The following ENPP1 variants were observed in gnomAD, a reference collection of about 807,000 sequenced individuals.
ENPP1 encodes the protein ectonucleotide pyrophosphatase/phosphodiesterase family member 1.
Under a neutral mutation model 122.8 loss-of-function variants are expected in ENPP1, and 73 were observed. The ratio of observed to expected loss-of-function variants is 0.59; its 90% CI spans 0.49 to 0.72. ENPP1 has a LOEUF of 0.72. ENPP1 is among the 30% of genes least tolerant of loss of function. The probability of loss-of-function intolerance (pLI) is 0.00; values close to 1 mark genes in which losing one functional copy is unlikely to be tolerated. For synonymous variants in ENPP1, 367 were observed against 391.6 expected, an observed-to-expected ratio of 0.94 and a Z score of 0.74; for missense variants, 978 against 1,128.1, an observed-to-expected ratio of 0.87 and a Z score of 1.91.
At chr6:131,836,606 G>A (rs972689473) in intron 1 of ENPP1, among the ~76,000 whole-genome samples, 3 of 151,938 alleles carry the variant, frequency 2.0e-5, no homozygotes, top group Non-Finnish European at 4.4e-5. Context: ...TTTTTTAAAT[G>A]CACGAGATTC....
At chr6:131,809,140 GA>G (rs1411134731) in intron 1 of ENPP1, among the ~76,000 whole-genome samples, 1 of 152,106 alleles carries the variant, frequency 6.6e-6, no homozygotes, top group Admixed American at 6.5e-5. Flanking sequence ...GGATTATTGT[GA>G]AAATCAAGCT....
At chr6:131,881,784 T>C (rs565092045) in intron 20 of ENPP1, among the ~76,000 whole-genome samples, 3 of 151,990 alleles carry the variant, frequency 2.0e-5, no homozygotes, top group African/African-American at 7.2e-5. Context: ...TTGAGGGGGC[T>C]GCAGCGGATG....
intron 24 of ENPP1, among the ~76,000 whole-genome samples, 174 bp from the exon 25 acceptor site, chr6:131,890,167 A>G (rs1782447646): frequency 1.3e-5 from 2 of 152,184 alleles, no homozygotes; most frequent in South Asian, 4.1e-4. Context: ...CATGCATGGT[A>G]TGTATTAGAA....
chr6:131,821,438 T>G (rs1781483623), intron 1 of ENPP1, among the ~76,000 whole-genome samples: 1 of 152,244 alleles, frequency 6.6e-6, no homozygotes, highest in South Asian at 2.1e-4. Context: ...TACCGCTGGT[T>G]GCATTTGGCC....
At chr6:131,859,520 G>A (rs190594957) in intron 7 of ENPP1, among the ~76,000 whole-genome samples, 1 of 151,722 alleles carries the variant, frequency 6.6e-6, no homozygotes, top group African/African-American at 2.4e-5. Flanking sequence ...CAAGTAGCTG[G>A]GACTACAGGT....
intron 1 of ENPP1, among the ~76,000 whole-genome samples, chr6:131,837,522 A>G (rs1274362809): frequency 1.6e-5 from 1 of 61,414 alleles, no homozygotes; most frequent in African/African-American, 1.3e-4. Flanking sequence ...CTCTGTCTCA[A>G]AAAAAAAAAA....
At chr6:131,819,551 A>G (rs1781457984) in intron 1 of ENPP1, among the ~76,000 whole-genome samples, 1 of 152,246 alleles carries the variant, frequency 6.6e-6, no homozygotes, top group Non-Finnish European at 1.5e-5. Flanking sequence ...TTGAAACTAT[A>G]TTAATACTTT....
chr6:131,854,493 G>C (rs1463640744), intron 5 of ENPP1, among the ~76,000 whole-genome samples: 2 of 152,072 alleles, frequency 1.3e-5, no homozygotes, highest in Non-Finnish European at 2.9e-5. Context: ...TACTGTATTA[G>C]AGTCCATATC....
intron 6 of ENPP1, 115 bp from the exon 7 acceptor site, chr6:131,858,553 T>G (rs1002252727): frequency 3.1e-5 from 21 of 686,818 alleles, no homozygotes; most frequent in Non-Finnish European, 5.2e-5. Context: ...CTGATTAAAA[T>G]CCCTCCTGGG....
intron 4 of ENPP1, 121 bp from the exon 5 acceptor site, chr6:131,852,054 G>A: frequency 1.4e-6 from 1 of 697,654 alleles, no homozygotes; most frequent in South Asian, 1.5e-5. Flanking sequence ...GTCATGTCCT[G>A]TGTTATCTAT....
At chr6:131,851,373 C>A in intron 4 of ENPP1, 106 bp downstream of exon 4, 1 of 1,379,194 alleles carries the variant, frequency 7.3e-7, no homozygotes, top group Non-Finnish European at 1.0e-6. Context: ...TATTGGCCAA[C>A]TATATTAGCT....
At chr6:131,830,465 AG>A (rs1432042421) in intron 1 of ENPP1, among the ~76,000 whole-genome samples, 1 of 152,166 alleles carries the variant, frequency 6.6e-6, no homozygotes, top group African/African-American at 2.4e-5. Flanking sequence ...TTATCTCTGA[AG>A]GGGAGTCCAG....
intron 1 of ENPP1, among the ~76,000 whole-genome samples, chr6:131,817,304 A>G (rs557816760): frequency 2.2e-4 from 33 of 152,188 alleles, no homozygotes; most frequent in Non-Finnish European, 4.4e-4. Flanking sequence ...CTGCTTCAGT[A>G]TAACAATGTG....
At chr6:131,838,749 G>A (rs1353631309) in intron 1 of ENPP1, among the ~76,000 whole-genome samples, 4 of 151,960 alleles carry the variant, frequency 2.6e-5, no homozygotes, top group Non-Finnish European at 1.5e-5. Context: ...ACAAAAAAGG[G>A]TGGCAGTACA....
rs1370913047 is a variant in ENPP1, at chr6:131,850,007, C to A, written c.331C>A (p.Arg111Ser). 2 of 1,613,554 alleles carry A rather than the reference C, an allele frequency of 1.2e-6. No individual in the cohort carries two copies. The highest frequency in any genetic ancestry group is 1.7e-6 in the Non-Finnish European group (2 of 1,179,532). Residue 111 changes from arginine (R) to serine (S), a missense_variant, in exon 3 of 25, where the codon CGC becomes AGC. Coordinates refer to ENST00000647893, the MANE Select transcript of ENPP1 (RefSeq NM_006208.3). Reference sequence around the variant, plus strand: ...TTTTTCAGTTAAAAGTTGCAAAGGTCGCTGTTTCGAGAGAACATTTGGGAA... The same window carrying A: ...TTTTTCAGTTAAAAGTTGCAAAGGTAGCTGTTTCGAGAGAACATTTGGGAA... ...CAKEVKSCKG[R>S]CFERTFGNCR...
intron 1 of ENPP1, among the ~76,000 whole-genome samples, chr6:131,810,353 T>G (rs1781332668): frequency 6.6e-6 from 1 of 152,002 alleles, no homozygotes. Context: ...GTGAGACCCT[T>G]TATTGTTGAA....
At chr6:131,808,873 G>A (rs1230302874) in intron 1 of ENPP1, among the ~76,000 whole-genome samples, 2 of 152,150 alleles carry the variant, frequency 1.3e-5, no homozygotes, top group East Asian at 3.9e-4. Flanking sequence ...CTAACCAGAG[G>A]CTACACGGTT....
At chr6:131,885,328 TGAACTCATTTAA>T (rs768756449) in intron 23 of ENPP1, among the ~76,000 whole-genome samples, 2 of 152,244 alleles carry the variant, frequency 1.3e-5, no homozygotes, top group Non-Finnish European at 2.9e-5. Flanking sequence ...GTTTAAATGC[TGAACTCATTTAA>T]GATCTCTGTG....
chr6:131,853,283 A>T (rs1229218441), intron 5 of ENPP1, among the ~76,000 whole-genome samples: 1 of 152,182 alleles, frequency 6.6e-6, no homozygotes, highest in Non-Finnish European at 1.5e-5. Context: ...GAAAATTTTC[A>T]TGTACCCTAA....
Sources: allele counts gnomAD v4.1 joint callset (sites outside exome capture counted in the v4.1 genomes callset), GRCh38; gene constraint gnomAD v4.1.1; transcripts MANE v1.5; gene names NCBI Gene and HGNC (gene_info 2026-07-23, HGNC 2026-07-21).